Variants in KPNA2 observed in about 807,000 individuals in gnomAD.
The protein encoded by KPNA2 is importin subunit alpha-1.
A neutral mutation model predicts 53.7 loss-of-function variants in KPNA2; 20 were observed. The ratio of observed to expected loss-of-function variants is 0.37; its 90% CI spans 0.26 to 0.54. The LOEUF is 0.54. Among genes scored for constraint, KPNA2 ranks in the 20% least tolerant of loss-of-function variants. The probability of loss-of-function intolerance (pLI) is 0.83; values close to 1 mark genes in which losing one functional copy is unlikely to be tolerated. For synonymous variants in KPNA2, 238 were observed against 227.5 expected, an observed-to-expected ratio of 1.05 and a Z score of -0.42; for missense variants, 515 against 640.3, an observed-to-expected ratio of 0.80 and a Z score of 2.11.
At position 68,042,120 on chromosome 17, in the gene KPNA2, A is replaced by G; in HGVS notation, c.338A>G (p.Asp113Gly). Reference protein sequence around the residue: ...LLSREKQPPIDNIIRAGLIPK... With the variant: ...LLSREKQPPIGNIIRAGLIPK... Reference sequence around the variant, plus strand: ...TCCAGAGAAAAACAGCCCCCCATAGACAACATAATCCGGGCTGGTTTGATT... The same window carrying G: ...TCCAGAGAAAAACAGCCCCCCATAGGCAACATAATCCGGGCTGGTTTGATT... The change falls in exon 5 of 11, where the codon GAC becomes GGC. Residue 113 changes from aspartate to glycine, a missense_variant. Transcript: ENST00000330459. The G allele has an allele frequency of 1.2e-6, 2 of 1,613,946 alleles. No homozygotes were observed. The highest frequency in any genetic ancestry group is 1.7e-6 in the Non-Finnish European group (2 of 1,179,804).
At chr17:68,045,342 C>T (rs2071316062) in intron 9 of KPNA2, 4 of 154,584 alleles carry the variant, frequency 2.6e-5, no homozygotes, top group African/African-American at 9.6e-5. Flanking sequence ...AACACACATT[C>T]TGTTTGGGGA....
chr17:68,041,056 A>G (rs2071254298), intron 4 of KPNA2, among the ~76,000 whole-genome samples: 1 of 152,218 alleles, frequency 6.6e-6, no homozygotes, highest in Admixed American at 6.5e-5. Flanking sequence ...AGTTTTTACC[A>G]AAGTAATGTT....
intron 3 of KPNA2, among the ~76,000 whole-genome samples, chr17:68,039,416 C>T (rs1208825498): frequency 2.0e-5 from 3 of 151,960 alleles, no homozygotes; most frequent in Admixed American, 6.6e-5. Context: ...CCACTTCGCC[C>T]AGCCAAACAT....
Position 68,042,067 on chromosome 17 carries a change from CT to C in KPNA2, c.303-13del. 1 of 1,592,568 alleles carries C rather than the reference CT, an allele frequency of 6.3e-7. No individual in the cohort carries two copies. On this transcript the variant is annotated splice_polypyrimidine_tract_variant and intron_variant, in intron 4 of 10. Transcript: ENST00000330459. ...TTAATCACTGTCAACTTTTATTTCT[CT>C]TTTTGTTCCCCTTTAGGAAACTACT...
intron 3 of KPNA2, among the ~76,000 whole-genome samples, chr17:68,039,931 T>A (rs1327248687): frequency 1.4e-5 from 2 of 147,714 alleles, no homozygotes; most frequent in Admixed American, 6.7e-5. Context: ...AAAAAAAAAA[T>A]TAGCCAGGCA....
chr17:68,043,745 C>A, intron 7 of KPNA2, 93 bp from the exon 8 acceptor site: 1 of 770,904 alleles, frequency 1.3e-6, no homozygotes, highest in Non-Finnish European at 2.2e-6. Flanking sequence ...TATTTCAGGC[C>A]ATGATGGGCC....
chr17:68,037,532 T>C (rs781993314), intron 3 of KPNA2, 37 bp downstream of exon 3: 41 of 1,592,412 alleles, frequency 2.6e-5, no homozygotes, highest in Non-Finnish European at 3.3e-5. Flanking sequence ...TTACGTGAAA[T>C]CCAGAAAATC....
intron 1 of KPNA2, chr17:68,036,147 T>G (rs1041691393): frequency 7.2e-5 from 11 of 152,216 alleles, no homozygotes; most frequent in Non-Finnish European, 1.3e-4. Context: ...TGGTTTCGCC[T>G]CCTCCTTTCT....
At chr17:68,043,722 T>C (rs1352203074) in intron 7 of KPNA2, 116 bp from the exon 8 acceptor site, 1 of 691,108 alleles carries the variant, frequency 1.4e-6, no homozygotes, top group Admixed American at 2.7e-5. Context: ...GATAGTAATA[T>C]TGAAATATTG....
rs781799284 is a variant in KPNA2, at chr17:68,042,949, G to C, written c.616G>C (p.Val206Leu). The change falls in exon 6 of 11, where the codon GTT becomes CTT. Residue 206 changes from valine (V) to leucine (L), a missense_variant. By Grantham distance (32) the Val-to-Leu change is conservative (BLOSUM62 1). Coordinates refer to ENST00000330459, the MANE Select transcript of KPNA2 (RefSeq NM_002266.4). ...FRDLVIKYGA[V>L]DPLLALLAVP... is the part of the protein sequence containing the mutation. ...AGACTTGGTTATTAAGTACGGTGCA[G>C]TTGACCCACTGTTGGCTCTCCTTGC... 6.2e-7 allele frequency: 1 copy of C among 1,613,336 alleles called. No homozygotes were observed. The highest frequency in any genetic ancestry group is 1.3e-5 in the African/African-American group (1 of 74,698).
chr17:68,046,043 C>T, intron 10 of KPNA2, 122 bp downstream of exon 10: 3 of 617,698 alleles, frequency 4.9e-6, no homozygotes, highest in Non-Finnish European at 7.9e-6. Flanking sequence ...TATCAGTGTG[C>T]ATGGGACATA....
At chr17:68,039,918 CAA>C (rs782243176) in intron 3 of KPNA2, among the ~76,000 whole-genome samples, 1 of 138,242 alleles carries the variant, frequency 7.2e-6, no homozygotes. Flanking sequence ...ACTAAAAATA[CAA>C]AAAAAAAAAA....
chr17:68,040,316 C>T (rs1555704359), intron 3 of KPNA2, among the ~76,000 whole-genome samples: 1 of 132,686 alleles, frequency 7.5e-6, no homozygotes, highest in Non-Finnish European at 1.5e-5. Flanking sequence ...TCAGGCTGGT[C>T]TCACCTGAGC....
Position 68,037,098 on chromosome 17 carries a change from C to T in KPNA2, c.-23-12C>T, listed in dbSNP as rs369127863. On this transcript the variant is annotated splice_polypyrimidine_tract_variant and intron_variant, in intron 1 of 10. Coordinates refer to ENST00000330459, the MANE Select transcript of KPNA2 (RefSeq NM_002266.4). The stretch of plus-strand genomic sequence containing the variant: ...GATAAAGGAAATATTTTTCTCTTCC[C>T]CCATCTTTTAGCTTTCTCCCTTTGT... 1.5e-4 allele frequency: 229 copies of T among 1,503,752 alleles called. No individual in the cohort carries two copies. Among genetic ancestry groups the T allele is most frequent in the Admixed American group, 3.0e-4 (17 of 57,092 alleles). 93.2% of individuals were successfully genotyped at this position (1,503,752 alleles called of 1,614,324 possible). A position where few individuals can be genotyped will look rare whatever the true frequency, so the allele number is the denominator to read the frequency against.
intron 1 of KPNA2, among the ~76,000 whole-genome samples, chr17:68,036,715 A>G (rs369604567): frequency 6.6e-6 from 1 of 152,196 alleles, no homozygotes; most frequent in African/African-American, 2.4e-5. Flanking sequence ...TGGAGTATGG[A>G]AAAAGAATGT....
In KPNA2 at chr17:68,039,958, T is replaced by G. The variant is rs2071235670; in HGVS notation, c.214-720T>G. ...AGCCAGGCATGGTGGCGCATGCCTA[T>G]AATCTCAGGTACTTGGGAGGCTGAG... On this transcript the variant is annotated intron_variant, in intron 3 of 10. Coordinates refer to ENST00000330459, the MANE Select transcript of KPNA2 (RefSeq NM_002266.4). Among the ~76,000 whole-genome samples, 7 of 151,188 alleles carry G rather than the reference T, an allele frequency of 4.6e-5. No individual in the cohort carries two copies. In the South Asian group the frequency reaches 1.5e-3, roughly 32 times the overall value.
At chr17:68,046,295 C>T (rs1468387698) in intron 10 of KPNA2, among the ~76,000 whole-genome samples, 7 of 152,036 alleles carry the variant, frequency 4.6e-5, no homozygotes, top group East Asian at 3.9e-4. Context: ...AAAAAAATCT[C>T]GGCCTGTTTG....
In KPNA2 at chr17:68,043,276, T is replaced by A. The variant is rs2071285080; in HGVS notation, c.843T>A (p.Gly281=). 4 of 1,614,042 alleles carry A rather than the reference T, an allele frequency of 2.5e-6. No homozygotes were observed. The South Asian group carries it at 4.4e-5, about 18-fold the overall frequency. ...GGGCTATTTCCTACCTTACTGATGG[T>A]CCAAATGAACGAATTGGCATGGTGG... The part of the protein sequence containing the change: ...TCWAISYLTD[G]PNERIGMVVK... Residue 281 remains glycine, a synonymous_variant, in exon 7 of 11, where the codon GGT becomes GGA. Transcript: ENST00000330459.
chr17:68,042,845 C>CG (rs1298650695), intron 5 of KPNA2, 60 bp from the exon 6 acceptor site: 37 of 1,307,236 alleles, frequency 2.8e-5, no homozygotes, highest in Admixed American at 7.6e-5. Flanking sequence ...GCCTGGGCGA[C>CG]AGAGAGAAAC....
Sources: allele counts gnomAD v4.1 joint callset (sites outside exome capture counted in the v4.1 genomes callset), GRCh38; gene constraint gnomAD v4.1.1; transcripts MANE v1.5; gene names NCBI Gene and HGNC (gene_info 2026-07-23, HGNC 2026-07-21).